The following ZNF227 variants were observed in gnomAD, a reference collection of about 807,000 sequenced individuals.
ZNF227 encodes the protein zinc finger protein 227.
ZNF227 carries 12 observed loss-of-function variants against 13.2 expected under a neutral mutation model. The observed-to-expected ratio is 0.91, with a 90% CI of 0.58 to 1.47. The LOEUF (loss-of-function observed/expected upper bound fraction) is 1.47, where lower values mean the gene tolerates loss of function less well. Among genes scored for constraint, ZNF227 ranks in the 40% most tolerant of loss-of-function variants. ZNF227 has a pLI of 0.00. For synonymous variants in ZNF227, 338 were observed against 326.0 expected (o/e 1.04, Z -0.40); for missense variants, 885 against 967.5 (o/e 0.91, Z 1.13).
chr19:44,235,128 A>G lies in ZNF227; in HGVS notation c.698A>G (p.Lys233Arg), dbSNP rs1483398807. Residue 233 changes from lysine to arginine, a missense_variant, in exon 6 of 6, where the codon AAA (lysine) becomes AGA (arginine). Coordinates refer to ENST00000313040, the MANE Select transcript of ZNF227 (RefSeq NM_182490.3). ...CCCTGCAAAGGTAATGAATATGGCA[A>G]AATCATTAGTGATGGCTCCAATCAG... ...PKPCKGNEYGKIISDGSNQKL... is the reference protein window; with the variant it reads ...PKPCKGNEYGRIISDGSNQKL... 3 of 1,614,178 alleles carry G rather than the reference A, an allele frequency of 1.9e-6. No homozygotes were observed. Among genetic ancestry groups the G allele is most frequent in the Non-Finnish European group, 2.5e-6 (3 of 1,180,028 alleles).
At chr19:44,231,047 T>C (rs1212844838) in intron 5 of ZNF227, among the ~76,000 whole-genome samples, 1 of 149,354 alleles carries the variant, frequency 6.7e-6, no homozygotes, top group Non-Finnish European at 1.5e-5. Context: ...CTGGACAACA[T>C]AGTGAGACCT....
chr19:44,234,754 C>T lies in ZNF227; in HGVS notation c.324C>T (p.Tyr108=). The change falls in exon 6 of 6, where the codon TAC becomes TAT. Residue 108 remains tyrosine, a synonymous_variant. Transcript: ENST00000313040. Reference sequence around the variant, plus strand: ...CACTCCAAAAATTTGCATTAAAATACCTTTCAAATCAAGAGCTGTCCTGCT... The same window carrying T: ...CACTCCAAAAATTTGCATTAAAATATCTTTCAAATCAAGAGCTGTCCTGCT... ...METLQKFALK[Y]LSNQELSCWQ... 2.0e-5 allele frequency: 32 copies of T among 1,606,380 alleles called. No homozygotes were observed. Among genetic ancestry groups the T allele is most frequent in the Non-Finnish European group, 2.7e-5 (32 of 1,178,152 alleles).
intron 5 of ZNF227, among the ~76,000 whole-genome samples, chr19:44,230,924 AAAATATATATATATAT>A (rs1973730156): frequency 2.3e-5 from 2 of 88,364 alleles, no homozygotes; most frequent in African/African-American, 1.4e-4. Context: ...AAAAAAAAAA[AAAATATATATATATAT>A]ATATATATAT....
Position 44,234,937 on chromosome 19 carries a change from TC to T in ZNF227, c.509del (p.Pro170HisfsTer14), listed in dbSNP as rs757467871. On this transcript the variant is annotated frameshift_variant, in exon 6 of 6. Coordinates refer to ENST00000313040, the MANE Select transcript of ZNF227 (RefSeq NM_182490.3). LOFTEE classifies it low-confidence loss of function (END_TRUNC). Reference sequence around the variant, plus strand: ...CTATTTATATTGAAAATCAAGAGTTTCCATTTTGGAGAACCCAGCATTCTTG... The same window carrying T: ...CTATTTATATTGAAAATCAAGAGTTTCATTTTGGAGAACCCAGCATTCTTG... Reference protein sequence around the residue: ...SSIYIENQEFPFWRTQHSCGN... With the variant: ...SSIYIENQEFXFWRTQHSCGN... The T allele has an allele frequency of 6.2e-7, 1 of 1,613,604 alleles. No homozygotes were observed. The highest frequency in any genetic ancestry group is 1.3e-5 in the African/African-American group (1 of 74,970).
upstream of ZNF227, among the ~76,000 whole-genome samples, chr19:44,210,773 C>T (rs530658405): frequency 2.6e-5 from 4 of 152,332 alleles, no homozygotes; most frequent in African/African-American, 4.8e-5. Flanking sequence ...TTTGAACCTT[C>T]TCTTAAGGGC....
Position 44,235,593 on chromosome 19 carries a change from G to A in ZNF227, c.1163G>A (p.Gly388Asp), listed in dbSNP as rs140179484. ...TACAAATGCGAAGAGTGTGGTAAGGGCTTCGGTTGGAGTGTTAATCTCCGT... is the reference window on the plus strand; with the variant it reads ...TACAAATGCGAAGAGTGTGGTAAGGACTTCGGTTGGAGTGTTAATCTCCGT... ...KPYKCEECGK[G>D]FGWSVNLRVH... Residue 388 changes from glycine (G) to aspartate (D), a missense_variant, in exon 6 of 6, where the codon GGC (glycine) becomes GAC (aspartate). By Grantham distance (94) the Gly-to-Asp change is moderately conservative. Coordinates refer to ENST00000313040, the MANE Select transcript of ZNF227 (RefSeq NM_182490.3). 3 of 1,614,100 alleles carry A rather than the reference G, an allele frequency of 1.9e-6. No individual in the cohort carries two copies. The highest frequency in any genetic ancestry group is 1.3e-5 in the African/African-American group (1 of 74,996).
chr19:44,230,582 G>C (rs573587178), intron 5 of ZNF227, among the ~76,000 whole-genome samples: 1 of 152,166 alleles, frequency 6.6e-6, no homozygotes, highest in South Asian at 2.1e-4. Context: ...CCTTGGTGGA[G>C]AGGCTCCCCA....
Position 44,235,460 on chromosome 19 carries a change from A to C in ZNF227, c.1030A>C (p.Arg344=), listed in dbSNP as rs752054384. The stretch of plus-strand genomic sequence containing the variant: ...CAGCACGGGTCTTATCATTCATTAC[A>C]GAACTCATACTGGAGAGAAACCCTA... ...SSSTGLIIHY[R]THTGEKPYKC... is the part of the protein sequence containing the mutation. Residue 344 remains arginine, a synonymous_variant, in exon 6 of 6, where the codon AGA becomes CGA. Coordinates refer to ENST00000313040, the MANE Select transcript of ZNF227 (RefSeq NM_182490.3). 11 of 1,614,058 alleles carry C rather than the reference A, an allele frequency of 6.8e-6. No individual in the cohort carries two copies. In the Admixed American group the frequency reaches 1.8e-4, roughly 27 times the overall value.
intron 3 of ZNF227, among the ~76,000 whole-genome samples, chr19:44,222,982 G>T (rs1972714920): frequency 6.6e-6 from 1 of 151,986 alleles, no homozygotes; most frequent in South Asian, 2.1e-4. Flanking sequence ...AAGGGTTGTT[G>T]AATTTTGTCA....
chr19:44,217,965 G>T, intron 3 of ZNF227, 113 bp downstream of exon 3: 2 of 1,187,786 alleles, frequency 1.7e-6, no homozygotes, highest in Non-Finnish European at 2.4e-6. Flanking sequence ...TTCAGGACAT[G>T]TGGTATGCTG....
intron 5 of ZNF227, among the ~76,000 whole-genome samples, chr19:44,230,926 A>AAATATATATAT (rs1555792168): frequency 1.5e-5 from 1 of 68,116 alleles, no homozygotes; most frequent in African/African-American, 9.8e-5. Context: ...AAAAAAAAAA[A>AAATATATATAT]ATATATATAT....
chr19:44,220,649 T>A (rs537096716), intron 3 of ZNF227, among the ~76,000 whole-genome samples: 45 of 152,256 alleles, frequency 3.0e-4, no homozygotes, highest in Non-Finnish European at 4.6e-4. Flanking sequence ...TATCAGCATT[T>A]CTTTTTTTTA....
intron 3 of ZNF227, among the ~76,000 whole-genome samples, chr19:44,222,213 T>G (rs1451351801): frequency 6.6e-6 from 1 of 152,124 alleles, no homozygotes; most frequent in African/African-American, 2.4e-5. Context: ...TCCAGCTTTG[T>G]TCTTTTGGCC....
At chr19:44,211,793 C>G (rs1202584232), upstream of ZNF227, among the ~76,000 whole-genome samples, 1 of 141,862 alleles carries the variant, frequency 7.0e-6, no homozygotes, top group Non-Finnish European at 1.5e-5. Flanking sequence ...AATGTAAAAA[C>G]TTAAAGGGTT....
chr19:44,208,164 A>C (rs1971254690), upstream of ZNF227, among the ~76,000 whole-genome samples: 1 of 152,238 alleles, frequency 6.6e-6, no homozygotes, highest in South Asian at 2.1e-4. Context: ...CTATGTGTAC[A>C]GTCAAGCAGT....
chr19:44,230,908 C>CACAAAAAAAAAAAAAAA, intron 5 of ZNF227, among the ~76,000 whole-genome samples: 1 of 57,110 alleles, frequency 1.8e-5, no homozygotes, highest in Admixed American at 2.7e-4. Context: ...TCCATCTCTA[C>CACAAAAAAAAAAAAAAA]AAAAAAAAAA....
intron 2 of ZNF227, among the ~76,000 whole-genome samples, chr19:44,216,194 CATGGTT>C (rs1023972383): frequency 6.6e-5 from 10 of 151,466 alleles, no homozygotes; most frequent in African/African-American, 2.4e-4. Context: ...TTAGGGTTCA[CATGGTT>C]ATAAATTCTC....
chr19:44,228,979 C>G (rs1028829449), intron 4 of ZNF227: 2 of 233,356 alleles, frequency 8.6e-6, no homozygotes, highest in Non-Finnish European at 1.6e-5. Context: ...TTAAATGAAC[C>G]GTAAATGGAC....
At chr19:44,215,454 A>T (rs376551061) in intron 2 of ZNF227, among the ~76,000 whole-genome samples, 2 of 144,188 alleles carry the variant, frequency 1.4e-5, no homozygotes, top group Non-Finnish European at 1.5e-5. Context: ...TATATGTATA[A>T]TTTTTTTTTT....
Sources: allele counts gnomAD v4.1 joint callset (sites outside exome capture counted in the v4.1 genomes callset), GRCh38; gene constraint gnomAD v4.1.1; transcripts MANE v1.5; gene names NCBI Gene and HGNC (gene_info 2026-07-23, HGNC 2026-07-21).